The following SLC4A9 variants were observed in gnomAD, a reference collection of about 807,000 sequenced individuals.
SLC4A9 encodes anion exchange protein 4.
In SLC4A9, 102 loss-of-function variants were observed where a neutral mutation model predicts 103.2. That is an observed-to-expected ratio of 0.99 (90% CI 0.84 to 1.17). SLC4A9 has a LOEUF of 1.17. Ranked by LOEUF, SLC4A9 falls within the 50% of genes most tolerant of loss-of-function variation. The probability of loss-of-function intolerance (pLI) is 0.00; values close to 1 mark genes in which losing one functional copy is unlikely to be tolerated. For missense variants in SLC4A9, 1,091 were observed against 1,193.7 expected (o/e 0.91, Z 1.27); for synonymous variants, 453 against 483.6 (o/e 0.94, Z 0.83).
At chr5:140,361,406 T>C (rs200899987) in intron 3 of SLC4A9, 39 bp downstream of exon 3, 1 of 1,478,196 alleles carries the variant, frequency 6.8e-7, no homozygotes, top group African/African-American at 1.4e-5. Flanking sequence ...AAGACCCTGG[T>C]GTGGCAGGGT....
At position 140,362,509 on chromosome 5, in the gene SLC4A9, G is replaced by A. The variant is rs754963383; in HGVS notation, c.784G>A (p.Ala262Thr). Reference protein sequence around the residue: ...GKGYHEMGRAAAVLLSDPQFQ... With the variant: ...GKGYHEMGRATAVLLSDPQFQ... ...GGGCTACCATGAGATGGGACGGGCA[G>A]CAGCTGTCCTCCTCAGTGACCCGGT... is the stretch of plus-strand genomic sequence containing the variant. The change falls in exon 6 of 22, where the codon GCA (alanine) becomes ACA (threonine). Residue 262 changes from alanine to threonine, a missense_variant. By Grantham distance (58) the Ala-to-Thr change is moderately conservative (BLOSUM62 0). Coordinates refer to ENST00000506757, the MANE Select transcript of SLC4A9 (RefSeq NM_031467.3). 1 of 1,614,020 alleles carries A rather than the reference G, an allele frequency of 6.2e-7. No homozygotes were observed. Among genetic ancestry groups the A allele is most frequent in the South Asian group, 1.1e-5 (1 of 91,088 alleles).
At chr5:140,372,586 C>T in intron 20 of SLC4A9, 159 bp from the exon 21 acceptor site, 4 of 1,437,838 alleles carry the variant, frequency 2.8e-6, no homozygotes, top group Non-Finnish European at 3.6e-6. Context: ...GGACAGGGGC[C>T]CTCGATGTGG....
chr5:140,367,813 G>A lies in SLC4A9; in HGVS notation c.2269G>A (p.Val757Ile), dbSNP rs866358366. The part of the protein sequence containing the change: ...LGLPWYVSAT[V>I]ISLAHMDSLR... ...ACTGCCTTGGTATGTCTCAGCCACTGTCATCTCCCTGGCTCACATGGACAG... is the reference window on the plus strand; with the variant it reads ...ACTGCCTTGGTATGTCTCAGCCACTATCATCTCCCTGGCTCACATGGACAG... Residue 757 changes from valine to isoleucine, a missense_variant, in exon 16 of 22, where the codon GTC becomes ATC. Physicochemically the swap from Val to Ile is conservative, Grantham distance 29. Transcript: ENST00000506757. 1.2e-6 allele frequency: 2 copies of A among 1,613,998 alleles called. No homozygotes were observed. Among genetic ancestry groups the A allele is most frequent in the Non-Finnish European group, 1.7e-6 (2 of 1,179,892 alleles).
chr5:140,371,755 C>A, intron 19 of SLC4A9, 131 bp downstream of exon 19: 1 of 1,082,182 alleles, frequency 9.2e-7, no homozygotes, highest in African/African-American at 1.6e-5. Flanking sequence ...GGTTGGGAAT[C>A]CTAAGACAAA....
At position 140,365,199 on chromosome 5, in the gene SLC4A9, G is replaced by T. The variant is rs911715843; in HGVS notation, c.1652-321G>T. 1.4e-4 allele frequency among the ~76,000 whole-genome samples: 21 copies of T among 152,226 alleles called. 1 individual carries two copies. The highest frequency in any genetic ancestry group is 1.2e-3 in the Admixed American group (19 of 15,282). ...CCTCTCTATATGTTCTCCTATCAGTGCTAGGCATGAACAAGACCAGTTCTA... is the reference window on the plus strand; with the variant it reads ...CCTCTCTATATGTTCTCCTATCAGTTCTAGGCATGAACAAGACCAGTTCTA... On this transcript the variant is annotated intron_variant, in intron 11 of 21. Coordinates refer to ENST00000506757, the MANE Select transcript of SLC4A9 (RefSeq NM_031467.3).
intron 21 of SLC4A9, among the ~76,000 whole-genome samples, chr5:140,374,586 G>A (rs1769232377): frequency 6.8e-6 from 1 of 147,750 alleles, no homozygotes; most frequent in African/African-American, 2.5e-5. Context: ...GCACCTAAGG[G>A]CCTCTGACAC....
intron 16 of SLC4A9, among the ~76,000 whole-genome samples, chr5:140,368,314 C>T (rs1768198861): frequency 6.6e-6 from 1 of 152,200 alleles, no homozygotes; most frequent in East Asian, 1.9e-4. Flanking sequence ...GCAGTGTAAA[C>T]ATTGCTAATT....
At chr5:140,374,167 C>T (rs937787079) in intron 21 of SLC4A9, among the ~76,000 whole-genome samples, 5 of 151,614 alleles carry the variant, frequency 3.3e-5, no homozygotes, top group Non-Finnish European at 7.4e-5. Flanking sequence ...CCAGCCTGGG[C>T]GACGGAGCGA....
intron 14 of SLC4A9, 96 bp downstream of exon 14, chr5:140,366,360 C>T: frequency 2.4e-6 from 2 of 826,304 alleles, no homozygotes; most frequent in South Asian, 1.8e-5. Context: ...CTTCTCTAAG[C>T]TTCTTTCTTC....
intron 18 of SLC4A9, 74 bp from the exon 19 acceptor site, chr5:140,371,377 A>T: frequency 6.4e-7 from 1 of 1,564,022 alleles, no homozygotes. Flanking sequence ...GTGCTGGGCT[A>T]TGATAGCTAT....
chr5:140,366,255 A>G lies in SLC4A9; in HGVS notation c.2004A>G (p.Arg668=), dbSNP rs767114512. The change falls in exon 14 of 22, where the codon AGA becomes AGG. Residue 668 remains arginine, a synonymous_variant. Transcript: ENST00000506757. The part of the protein sequence containing the change: ...GLATPKLMVP[R]EFKPTLPGRG... Reference sequence around the variant, plus strand: ...CCACACCAAAGCTCATGGTACCCAGAGAGTTCAAGGTGAGAGCCAGGGAAG... The same window carrying G: ...CCACACCAAAGCTCATGGTACCCAGGGAGTTCAAGGTGAGAGCCAGGGAAG... The G allele has an allele frequency of 1.9e-5, 31 of 1,591,964 alleles. No individual in the cohort carries two copies. The highest frequency in any genetic ancestry group is 2.7e-5 in the Non-Finnish European group (31 of 1,168,630).
chr5:140,365,287 A>T (rs930293827), intron 11 of SLC4A9, among the ~76,000 whole-genome samples: 2 of 152,306 alleles, frequency 1.3e-5, no homozygotes, highest in African/African-American at 4.8e-5. Flanking sequence ...CTGAGCATCT[A>T]CTGTGGCCAG....
At position 140,362,193 on chromosome 5, in the gene SLC4A9, T is replaced by G. The variant is rs779807297; in HGVS notation, c.719+19T>G. 1.2e-5 allele frequency: 18 copies of G among 1,507,544 alleles called. No homozygotes were observed. The African/African-American group carries it at 2.4e-4, about 20-fold the overall frequency. 93.4% of individuals were successfully genotyped at this position (1,507,544 alleles called of 1,614,324 possible). On this transcript the variant is annotated intron_variant, in intron 5 of 21. Transcript: ENST00000506757. ...CAAGCAGGTGAGGCTACTGAGTGAGTGGGAGTCAGGGATCCCAGAACCTAG... is the reference window on the plus strand; with the variant it reads ...CAAGCAGGTGAGGCTACTGAGTGAGGGGGAGTCAGGGATCCCAGAACCTAG...
chr5:140,363,635 C>T lies in SLC4A9; in HGVS notation c.1079+80C>T. On this transcript the variant is annotated intron_variant, in intron 8 of 21. Coordinates refer to ENST00000506757, the MANE Select transcript of SLC4A9 (RefSeq NM_031467.3). This position sits in a 1 kb window ranked among gnomAD's most constrained non-coding sequence, Gnocchi z 4.5. ...ACAGGGAAACTGAGGTGTGTGCTCA[C>T]TGTGGGAGGGGCTCACCCGGTCACA... 1.3e-6 allele frequency: 2 copies of T among 1,575,110 alleles called. No homozygotes were observed. The highest frequency in any genetic ancestry group is 4.6e-5 in the East Asian group (2 of 43,204).
chr5:140,372,835 C>A lies in SLC4A9; in HGVS notation c.*37C>A. 4 of 1,517,818 alleles carry A rather than the reference C, an allele frequency of 2.6e-6. No homozygotes were observed. Among genetic ancestry groups the A allele is most frequent in the Non-Finnish European group, 3.6e-6 (4 of 1,125,880 alleles). The allele number at this position is 1,517,818 out of a possible 1,614,324, so 94.0% of individuals were successfully genotyped here. ...GTCTGGGAGTGGAGACCCCAGGAAACAGCATGAGGTGAGGGTGTGAGGGAA... is the reference window on the plus strand; with the variant it reads ...GTCTGGGAGTGGAGACCCCAGGAAAAAGCATGAGGTGAGGGTGTGAGGGAA... On this transcript the variant is annotated 3_prime_UTR_variant, in exon 21 of 22. Transcript: ENST00000506757.
At chr5:140,367,311 A>T in intron 14 of SLC4A9, 109 bp from the exon 15 acceptor site, 2 of 1,324,000 alleles carry the variant, frequency 1.5e-6, no homozygotes, top group Non-Finnish European at 2.1e-6. Flanking sequence ...ACTAGCATCT[A>T]GTGACTTGGG....
intron 21 of SLC4A9, 31 bp downstream of exon 21, chr5:140,372,874 T>C: frequency 7.4e-7 from 1 of 1,350,892 alleles, no homozygotes; most frequent in Non-Finnish European, 1.0e-6. Flanking sequence ...CTCCTGATGT[T>C]GAGGATGGGA....
intron 5 of SLC4A9, 90 bp from the exon 6 acceptor site, chr5:140,362,355 G>A: frequency 1.5e-6 from 2 of 1,354,036 alleles, no homozygotes; most frequent in Non-Finnish European, 2.1e-6. Context: ...GTGTTTATGG[G>A]AGCTGATAGG....
At position 140,363,741 on chromosome 5, in the gene SLC4A9, C is replaced by T. The variant is rs767851565; in HGVS notation, c.1093C>T (p.Leu365Phe). The change falls in exon 9 of 22, where the codon CTT becomes TTT. Residue 365 changes from leucine (L) to phenylalanine (F), a missense_variant. By Grantham distance (22) the Leu-to-Phe change is conservative. Transcript: ENST00000506757. This position sits in a 1 kb window ranked among gnomAD's most constrained non-coding sequence, Gnocchi z 4.5. ...CTCGGGCGGGAGGCTGTTTGGGGGCCTTATCCAGGACGTGCGCAGGAAGGT... is the reference window on the plus strand; with the variant it reads ...CTCGGGCGGGAGGCTGTTTGGGGGCTTTATCCAGGACGTGCGCAGGAAGGT... The part of the protein sequence containing the change: ...LQRTGRLFGG[L>F]IQDVRRKVPW... 5 of 1,613,754 alleles carry T rather than the reference C, an allele frequency of 3.1e-6. No homozygotes were observed. The highest frequency in any genetic ancestry group is 1.3e-5 in the African/African-American group (1 of 74,974).
Sources: allele counts gnomAD v4.1 joint callset (sites outside exome capture counted in the v4.1 genomes callset), GRCh38; gene constraint gnomAD v4.1.1; non-coding constraint Gnocchi (gnomAD v3.1); transcripts MANE v1.5; gene names NCBI Gene and HGNC (gene_info 2026-07-23, HGNC 2026-07-21).